DYNC2H1: variants seen among roughly 807,000 people sequenced by gnomAD.
The protein encoded by DYNC2H1 is dynein cytoplasmic 2 heavy chain 1.
In DYNC2H1, 410 loss-of-function variants were observed where a neutral mutation model predicts 570.0. The observed-to-expected ratio is 0.72, with a 90% CI of 0.66 to 0.78. The LOEUF (loss-of-function observed/expected upper bound fraction) is 0.78. Ranked by LOEUF, DYNC2H1 falls within the 30% of genes least tolerant of loss-of-function variation. DYNC2H1 has a pLI of 0.00. For synonymous variants in DYNC2H1, 1,688 were observed against 1,677.6 expected, an observed-to-expected ratio of 1.01 and a Z score of -0.15; for missense variants, 4,865 against 5,046.4, an observed-to-expected ratio of 0.96 and a Z score of 1.09.
rs1195975608 is a variant in DYNC2H1, at chr11:103,249,739, A to C, written c.10043-3546A>C. 2.0e-5 allele frequency among the ~76,000 whole-genome samples: 3 copies of C among 152,034 alleles called. No homozygotes were observed. Among genetic ancestry groups the C allele is most frequent in the Non-Finnish European group, 4.4e-5 (3 of 67,944 alleles). On this transcript the variant is annotated intron_variant, in intron 65 of 88. Coordinates refer to ENST00000375735, the MANE Select transcript of DYNC2H1 (RefSeq NM_001377.3). This position sits in a 1 kb window ranked among gnomAD's most constrained non-coding sequence, Gnocchi z 4.6. ...TCTGACTGCAGTCATGTTTGAGCAC[A>C]AAAAACAGGAACACTTTCCATAACA...
At chr11:103,452,024 T>G (rs867947139) in intron 85 of DYNC2H1, among the ~76,000 whole-genome samples, 37 of 152,166 alleles carry the variant, frequency 2.4e-4, no homozygotes, top group African/African-American at 8.9e-4. Context: ...CACCCCTTTT[T>G]TTCCTCATGT....
At position 103,181,723 on chromosome 11, in the gene DYNC2H1, C is replaced by A. The variant is rs1262421791; in HGVS notation, c.6348-34C>A. 5.4e-6 allele frequency: 8 copies of A among 1,492,562 alleles called. No homozygotes were observed. Among genetic ancestry groups the A allele is most frequent in the Admixed American group, 4.8e-5 (2 of 41,656 alleles). 92.5% of individuals were successfully genotyped at this position (1,492,562 alleles called of 1,614,324 possible). On this transcript the variant is annotated intron_variant, in intron 39 of 88. Transcript: ENST00000375735. The surrounding 1 kb of genome is among the most constrained non-coding windows in gnomAD (Gnocchi z 5.0). ...TTTAATGTAAATTGATAATTTCTTC[C>A]TAAGTAATTTTTTATTTGTCTAAAC...
rs545607183 is a variant in DYNC2H1, at chr11:103,175,213, A to G, written c.5675-1022A>G. On this transcript the variant is annotated intron_variant, in intron 36 of 88. Coordinates refer to ENST00000375735, the MANE Select transcript of DYNC2H1 (RefSeq NM_001377.3). ...TTGAAAACTAAGTTAAAACACTATGAAAGTAGAGACAACATAGAAAAAAGG... is the reference window on the plus strand; with the variant it reads ...TTGAAAACTAAGTTAAAACACTATGGAAGTAGAGACAACATAGAAAAAAGG... Among the ~76,000 whole-genome samples the G allele has an allele frequency of 8.1e-4, 123 of 152,286 alleles. 3 individuals carry two copies. The South Asian group carries it at 0.024, about 30-fold the overall frequency.
In DYNC2H1 at chr11:103,209,216, T is replaced by C. The variant is rs998960394; in HGVS notation, c.8455-660T>C. ...TTCAGCTCTATCAGGTGAAAGAAATTGAAGCTATTTGGCTTAATTTAAAAT... is the reference window on the plus strand; with the variant it reads ...TTCAGCTCTATCAGGTGAAAGAAATCGAAGCTATTTGGCTTAATTTAAAAT... On this transcript the variant is annotated intron_variant, in intron 52 of 88. Coordinates refer to ENST00000375735, the MANE Select transcript of DYNC2H1 (RefSeq NM_001377.3). This position sits in a 1 kb window ranked among gnomAD's most constrained non-coding sequence, Gnocchi z 4.2. Among the ~76,000 whole-genome samples, 2 of 152,114 alleles carry C rather than the reference T, an allele frequency of 1.3e-5. No homozygotes were observed. The highest frequency in any genetic ancestry group is 2.9e-5 in the Non-Finnish European group (2 of 67,986).
At chr11:103,310,268 C>G (rs1867513628) in intron 78 of DYNC2H1, among the ~76,000 whole-genome samples, 3 of 151,282 alleles carry the variant, frequency 2.0e-5, no homozygotes, top group Admixed American at 1.3e-4. Context: ...TAGATTTTTT[C>G]TCGTTTTCTT....
intron 80 of DYNC2H1, among the ~76,000 whole-genome samples, 155 bp downstream of exon 80, chr11:103,316,775 T>G (rs1185052238): frequency 1.3e-5 from 2 of 152,146 alleles, no homozygotes; most frequent in Non-Finnish European, 2.9e-5. Flanking sequence ...ACCTGTGTTA[T>G]CTCAGAGTTC....
chr11:103,233,293 GT>G (rs10600715), intron 60 of DYNC2H1, among the ~76,000 whole-genome samples: 3,428 of 148,684 alleles, frequency 0.023, 39 homozygotes, highest in Non-Finnish European at 0.029. Context: ...TTAAATGCTG[GT>G]TTTTTTTTTT....
Position 103,241,282 on chromosome 11 carries a change from C to T in DYNC2H1, c.9820-2411C>T, listed in dbSNP as rs558507357. On this transcript the variant is annotated intron_variant, in intron 63 of 88. Transcript: ENST00000375735. This position sits in a 1 kb window ranked among gnomAD's most constrained non-coding sequence, Gnocchi z 5.1. The stretch of plus-strand genomic sequence containing the variant: ...ATCCAACATATAGTAGATGAAGTAA[C>T]GAACAAATGAGTAAATAAATGAAAG... Among the ~76,000 whole-genome samples the T allele has an allele frequency of 9.5e-4, 144 of 152,092 alleles. No individual in the cohort carries two copies. The highest frequency in any genetic ancestry group is 3.4e-3 in the African/African-American group (139 of 41,484).
chr11:103,340,234 T>C (rs1408672722), intron 82 of DYNC2H1, among the ~76,000 whole-genome samples: 1 of 152,204 alleles, frequency 6.6e-6, no homozygotes, highest in African/African-American at 2.4e-5. Flanking sequence ...AGGGTTCTAT[T>C]TGGTCATCTT....
chr11:103,195,942 T>C (rs191431114), intron 47 of DYNC2H1, among the ~76,000 whole-genome samples: 34 of 152,288 alleles, frequency 2.2e-4, no homozygotes, highest in Admixed American at 6.5e-4. Flanking sequence ...GAAGGATGAA[T>C]ATAGTAAGCG....
Position 103,170,886 on chromosome 11 carries a change from G to C in DYNC2H1, c.5152G>C (p.Gly1718Arg). 6.8e-7 allele frequency: 1 copy of C among 1,481,336 alleles called. No individual in the cohort carries two copies. The highest frequency in any genetic ancestry group is 9.0e-7 in the Non-Finnish European group (1 of 1,106,344). The allele number at this position is 1,481,336 out of a possible 1,614,324, so 91.8% of individuals were successfully genotyped here. A position where few individuals can be genotyped will look rare whatever the true frequency, so the allele number is the denominator to read the frequency against. The change falls in exon 34 of 89, where the codon GGC becomes CGC. Residue 1718 changes from glycine (G) to arginine (R), a missense_variant and splice_region_variant. This residue lies in a region of DYNC2H1 where 292 missense variants were observed against 300.2 expected (regional missense o/e 0.97). Coordinates refer to ENST00000375735, the MANE Select transcript of DYNC2H1 (RefSeq NM_001377.3). This position sits in a 1 kb window ranked among gnomAD's most constrained non-coding sequence, Gnocchi z 4.8. ...TATAATTTTTATTGTTGTTTTTAAG[G>C]GCATCGATGTGAAGTCAATGGGACG... ...RQVLVFNCDE[G>R]IDVKSMGRIF...
intron 2 of DYNC2H1, 76 bp from the exon 3 acceptor site, chr11:103,114,027 G>A (rs902662004): frequency 2.1e-5 from 33 of 1,540,784 alleles, no homozygotes; most frequent in Non-Finnish European, 2.8e-5. Flanking sequence ...ATGGGGTTTT[G>A]GACAGTGTTT....
chr11:103,402,298 A>G (rs1942676864), intron 84 of DYNC2H1: 1 of 152,154 alleles, frequency 6.6e-6, no homozygotes, highest in South Asian at 2.1e-4. Context: ...TGCCCTGAAG[A>G]AACCAGCAAA....
intron 83 of DYNC2H1, among the ~76,000 whole-genome samples, chr11:103,362,300 TTAAA>T (rs1229341270): frequency 1.4e-5 from 2 of 143,288 alleles, no homozygotes; most frequent in Non-Finnish European, 1.5e-5. Context: ...TTCCTGCTTC[TTAAA>T]TATATTAATT....
At position 103,231,859 on chromosome 11, in the gene DYNC2H1, T is replaced by G. The variant is rs541303015; in HGVS notation, c.9440+513T>G. 9.2e-5 allele frequency among the ~76,000 whole-genome samples: 14 copies of G among 152,036 alleles called. 2 individuals are homozygous for G. In the South Asian group the frequency reaches 2.9e-3, roughly 32 times the overall value. On this transcript the variant is annotated intron_variant, in intron 60 of 88. Coordinates refer to ENST00000375735, the MANE Select transcript of DYNC2H1 (RefSeq NM_001377.3). ...TACGTTCAGGAAACAATTTTCTCTC[T>G]CTGTGTGTGTGTTTCTCTCTCCCCC...
chr11:103,205,415 A>G lies in DYNC2H1; in HGVS notation c.8454+451A>G, dbSNP rs1445439773. Among the ~76,000 whole-genome samples the G allele has an allele frequency of 2.0e-5, 3 of 152,188 alleles. No individual in the cohort carries two copies. Among genetic ancestry groups the G allele is most frequent in the African/African-American group, 2.4e-5 (1 of 41,458 alleles). On this transcript the variant is annotated intron_variant, in intron 52 of 88. Transcript: ENST00000375735. The surrounding 1 kb of genome is among the most constrained non-coding windows in gnomAD (Gnocchi z 4.5). ...CTCATTTGAATAAGTAATAATTTCA[A>G]CATTGTTTGTTTAAATGATATTCAT...
intron 78 of DYNC2H1, among the ~76,000 whole-genome samples, chr11:103,311,038 A>G (rs748378271): frequency 6.6e-6 from 1 of 152,056 alleles, no homozygotes; most frequent in Non-Finnish European, 1.5e-5. Context: ...CTTAAGAAAT[A>G]ACAATGAAAA....
intron 78 of DYNC2H1, among the ~76,000 whole-genome samples, chr11:103,309,887 A>G (rs1166059065): frequency 6.6e-6 from 1 of 152,100 alleles, no homozygotes; most frequent in Non-Finnish European, 1.5e-5. Context: ...CTTTTCTGGG[A>G]TCTTGTTAAG....
chr11:103,328,114 T>C (rs565816523), intron 82 of DYNC2H1, among the ~76,000 whole-genome samples: 2 of 152,334 alleles, frequency 1.3e-5, no homozygotes, highest in South Asian at 4.1e-4. Context: ...TGATCTAATT[T>C]CTACTAGTTT....
Sources: allele counts gnomAD v4.1 joint callset (sites outside exome capture counted in the v4.1 genomes callset), GRCh38; gene constraint gnomAD v4.1.1; regional missense constraint gnomAD v4.1.1; non-coding constraint Gnocchi (gnomAD v3.1); transcripts MANE v1.5; gene names NCBI Gene and HGNC (gene_info 2026-07-23, HGNC 2026-07-21).